RBM4: variants seen among roughly 807,000 people sequenced by gnomAD.
The protein encoded by RBM4 is RNA-binding protein 4.
In RBM4, 7 loss-of-function variants were observed where a neutral mutation model predicts 29.5. The observed-to-expected ratio is 0.24, with a 90% CI of 0.14 to 0.45. The LOEUF is 0.45. Among genes scored for constraint, RBM4 ranks in the 20% least tolerant of loss-of-function variants. RBM4 has a pLI of 1.00. For synonymous variants in RBM4, 220 were observed against 205.4 expected (o/e 1.07, Z -0.61); for missense variants, 387 against 502.3 (o/e 0.77, Z 2.19).
At chr11:66,656,994 G>C (rs1938962370) in intron 2 of RBM4, among the ~76,000 whole-genome samples, 1 of 151,634 alleles carries the variant, frequency 6.6e-6, no homozygotes, top group South Asian at 2.1e-4. Flanking sequence ...TTTGGTAACT[G>C]ATGGTTACAA....
rs769229658 is a variant in RBM4, at chr11:66,644,018, C to T, written c.981C>T (p.Tyr327=). The change falls in exon 3 of 4, where the codon TAC becomes TAT. Residue 327 remains tyrosine, a synonymous_variant. Transcript: ENST00000310092. ...CCACTGTTGGAGAGGGCTACGGTTA[C>T]GGGCATGAGAGTGAGTTGTCCCAAG... ...PVPTVGEGYG[Y]GHESELSQAS... 1.2e-5 allele frequency: 20 copies of T among 1,613,570 alleles called. No homozygotes were observed. Among genetic ancestry groups the T allele is most frequent in the South Asian group, 6.6e-5 (6 of 91,088 alleles).
intron 2 of RBM4, among the ~76,000 whole-genome samples, chr11:66,663,700 ATATG>A (rs1939129603): frequency 8.6e-6 from 1 of 116,772 alleles, no homozygotes; most frequent in Non-Finnish European, 1.9e-5. Context: ...ATGTGTGTGT[ATATG>A]TGTGTGTGTG....
exon 3 of RBM4, chr11:66,667,059 A>G (rs1939263603): frequency 6.6e-6 from 1 of 151,950 alleles, no homozygotes; most frequent in Non-Finnish European, 1.5e-5. Flanking sequence ...GCCACTGTAC[A>G]CAGCTGCTTT....
intron 2 of RBM4, among the ~76,000 whole-genome samples, chr11:66,641,387 C>T (rs1441571558): frequency 6.6e-6 from 1 of 152,122 alleles, no homozygotes; most frequent in Non-Finnish European, 1.5e-5. Flanking sequence ...GTGTCATGGG[C>T]ATTGCTGTGC....
At chr11:66,655,292 T>G (rs1222060331) in intron 2 of RBM4, among the ~76,000 whole-genome samples, 2 of 151,492 alleles carry the variant, frequency 1.3e-5, no homozygotes, top group Non-Finnish European at 2.9e-5. Flanking sequence ...GGCACTTCTT[T>G]TCTTTTTTTT....
Position 66,657,096 on chromosome 11 carries a change from C to G in RBM4, c.413-8760C>G, listed in dbSNP as rs1002906674. ...TTGTAGTTAATCCTCAGCCCCTGATCAATTTTTTAGTCTTTTTTTTTTTTT... is the reference window on the plus strand; with the variant it reads ...TTGTAGTTAATCCTCAGCCCCTGATGAATTTTTTAGTCTTTTTTTTTTTTT... On this transcript the variant is annotated intron_variant, in intron 2 of 2. Coordinates refer to the RBM4 transcript ENST00000396053. Among the ~76,000 whole-genome samples the G allele has an allele frequency of 2.2e-5, 3 of 138,786 alleles. No individual in the cohort carries two copies. The East Asian group carries it at 6.9e-4, about 32-fold the overall frequency. 91.0% of individuals were successfully genotyped at this position (138,786 alleles called of 152,430 possible).
intron 2 of RBM4, among the ~76,000 whole-genome samples, chr11:66,663,057 T>C (rs969596685): frequency 6.6e-6 from 1 of 152,248 alleles, no homozygotes; most frequent in Non-Finnish European, 1.5e-5. Flanking sequence ...GTAAATGCTT[T>C]ATTATTGTAG....
At chr11:66,640,261 TTCTTATGATG>T in intron 2 of RBM4, 138 bp downstream of exon 2, 3 of 1,168,860 alleles carry the variant, frequency 2.6e-6, no homozygotes, top group Non-Finnish European at 3.7e-6. Flanking sequence ...GGTGATGGAC[TTCTTATGATG>T]TAGAATGCAT....
chr11:66,654,840 T>G (rs1938911637), intron 2 of RBM4, among the ~76,000 whole-genome samples: 1 of 151,914 alleles, frequency 6.6e-6, no homozygotes. Context: ...CTTTTTATTT[T>G]TTGAGATGGA....
chr11:66,668,072 A>C (rs937430792), exon 3 of RBM4: 2 of 153,338 alleles, frequency 1.3e-5, no homozygotes, highest in Non-Finnish European at 2.9e-5. Flanking sequence ...TGTGATATTC[A>C]TTACTAACCC....
At chr11:66,665,714 T>C (rs1939203901) in intron 2 of RBM4, 2 of 1,430,506 alleles carry the variant, frequency 1.4e-6, no homozygotes, top group African/African-American at 2.8e-5. Flanking sequence ...AGACTGGATC[T>C]AACTCATATC....
chr11:66,659,199 G>A (rs1399242457), intron 2 of RBM4, among the ~76,000 whole-genome samples: 1 of 147,696 alleles, frequency 6.8e-6, no homozygotes, highest in Non-Finnish European at 1.5e-5. Context: ...TCTCCAGTTT[G>A]AAACCTCTCT....
intron 2 of RBM4, among the ~76,000 whole-genome samples, chr11:66,658,675 G>T (rs909341884): frequency 6.6e-6 from 1 of 151,936 alleles, no homozygotes; most frequent in Non-Finnish European, 1.5e-5. Context: ...AGTGGCTCAC[G>T]CCTGTAATCC....
chr11:66,666,114 A>C, exon 3 of RBM4: 1 of 800,474 alleles, frequency 1.2e-6, no homozygotes, highest in Non-Finnish European at 1.9e-6. Flanking sequence ...TACATGTCAC[A>C]CTGTCACAGA....
chr11:66,665,527 C>G, intron 2 of RBM4: 2 of 1,425,958 alleles, frequency 1.4e-6, no homozygotes, highest in Non-Finnish European at 1.9e-6. Context: ...CCGCGCGGAG[C>G]AAGTTCTCAT....
chr11:66,656,470 A>G (rs1938951002), intron 2 of RBM4, among the ~76,000 whole-genome samples: 1 of 151,560 alleles, frequency 6.6e-6, no homozygotes, highest in African/African-American at 2.4e-5. Flanking sequence ...AGAGACGGGG[A>G]TTCTCCATGT....
intron 2 of RBM4, among the ~76,000 whole-genome samples, chr11:66,662,873 A>ATTTTCCCTTTT (rs1939110705): frequency 1.3e-5 from 2 of 152,230 alleles, no homozygotes; most frequent in African/African-American, 2.4e-5. Context: ...AAACAGAGAC[A>ATTTTCCCTTTT]GTCTTGCTTC....
downstream of RBM4, among the ~76,000 whole-genome samples, chr11:66,650,496 G>GGGA (rs1417404129): frequency 6.6e-6 from 1 of 151,586 alleles, no homozygotes; most frequent in Non-Finnish European, 1.5e-5. Flanking sequence ...GCTTGAAGCT[G>GGGA]GGAGGAGGAG....
At chr11:66,648,461 G>A (rs1488579179), downstream of RBM4, among the ~76,000 whole-genome samples, 1 of 152,066 alleles carries the variant, frequency 6.6e-6, no homozygotes, top group Admixed American at 6.5e-5. Context: ...AGTCAAGGCT[G>A]CAGTGAGCTA....
Sources: gnomAD v4.1 joint callset for allele counts (sites outside exome capture counted in the v4.1 genomes callset) on GRCh38, gnomAD v4.1.1 for gene constraint, MANE v1.5 for transcripts, NCBI Gene and HGNC (gene_info 2026-07-23, HGNC 2026-07-21) for gene names.